SMC6: variants seen among roughly 807,000 people sequenced by gnomAD.
SMC6 encodes the protein structural maintenance of chromosomes protein 6.
SMC6 carries 79 observed loss-of-function variants against 142.2 expected under a neutral mutation model. The observed-to-expected ratio is 0.56, with a 90% CI of 0.46 to 0.67. The LOEUF (loss-of-function observed/expected upper bound fraction) is 0.67. Ranked by LOEUF, SMC6 falls within the 30% of genes least tolerant of loss-of-function variation. The probability of loss-of-function intolerance (pLI) is 0.00; values close to 1 mark genes in which losing one functional copy is unlikely to be tolerated. For synonymous variants in SMC6, 411 were observed against 412.4 expected, an observed-to-expected ratio of 1.00 and a Z score of 0.04; for missense variants, 1,072 against 1,284.0, an observed-to-expected ratio of 0.83 and a Z score of 2.52.
At chr2:17,695,103 T>G (rs1667928437) in intron 23 of SMC6, 49 bp downstream of exon 23, 1 of 1,594,824 alleles carries the variant, frequency 6.3e-7, no homozygotes, top group Non-Finnish European at 8.5e-7. Context: ...TTTGTCTTGA[T>G]GATATGCATG....
chr2:17,740,751 G>A (rs77457811), intron 4 of SMC6: 1 of 440,330 alleles, frequency 2.3e-6, no homozygotes, highest in East Asian at 8.1e-5. Context: ...TCACAAGGCT[G>A]AAACAGGAGA....
intron 2 of SMC6, among the ~76,000 whole-genome samples, chr2:17,746,900 T>C (rs1033971434): frequency 6.6e-6 from 1 of 152,132 alleles, no homozygotes; most frequent in African/African-American, 2.4e-5. Flanking sequence ...GAGGAACAGT[T>C]CTAGGCTCAA....
intron 2 of SMC6, 106 bp from the exon 3 acceptor site, chr2:17,746,057 T>C: frequency 1.8e-6 from 2 of 1,118,374 alleles, no homozygotes; most frequent in East Asian, 3.0e-5. Flanking sequence ...ACTATGTCCA[T>C]CCATTTTTAC....
chr2:17,674,816 A>T (rs965250660), intron 25 of SMC6, among the ~76,000 whole-genome samples: 1 of 152,020 alleles, frequency 6.6e-6, no homozygotes, highest in Admixed American at 6.6e-5. Flanking sequence ...CTATTTTGTT[A>T]TTATTACAGC....
chr2:17,700,461 G>C, intron 20 of SMC6, 83 bp from the exon 21 acceptor site: 3 of 1,129,180 alleles, frequency 2.7e-6, no homozygotes, highest in South Asian at 1.8e-5. Context: ...AATTCTGAGA[G>C]AGGAGAAACT....
intron 26 of SMC6, among the ~76,000 whole-genome samples, chr2:17,668,460 C>T (rs1377152396): frequency 6.6e-6 from 1 of 151,918 alleles, no homozygotes; most frequent in Non-Finnish European, 1.5e-5. Context: ...TAGCTGATAA[C>T]CTCAAAATGG....
chr2:17,751,530 A>C (rs1195256268), intron 2 of SMC6, among the ~76,000 whole-genome samples: 1 of 152,062 alleles, frequency 6.6e-6, no homozygotes, highest in East Asian at 1.9e-4. Context: ...AAGTGCTCCT[A>C]AGGTATTTTG....
rs1259197644 is a variant in SMC6 at position 17,707,270 on chromosome 2, G to A, written c.1955C>T (p.Ser652Phe). Reference protein sequence around the residue: ...DQVFAGRYYSSENTRPKFLSR... With the variant: ...DQVFAGRYYSFENTRPKFLSR... ...TAGGAACTTAGGTCTTGTATTTTCA[G>A]ATGAATAATAACGTCCTGCAAAAAC... The change falls in exon 18 of 28, where the codon TCT becomes TTT. Residue 652 changes from serine (S) to phenylalanine (F), a missense_variant. This residue lies in a region of SMC6 where 994 missense variants were observed against 1,153.2 expected (regional missense o/e 0.86). Transcript: ENST00000448223. 5.6e-6 allele frequency: 9 copies of A among 1,600,444 alleles called. No homozygotes were observed. The highest frequency in any genetic ancestry group is 7.7e-6 in the Non-Finnish European group (9 of 1,174,496).
Position 17,691,027 on chromosome 2 carries a change from A to G in SMC6, c.2678+4125T>C, listed in dbSNP as rs1265174464. Among the ~76,000 whole-genome samples the G allele has an allele frequency of 2.6e-5, 4 of 151,942 alleles. No individual in the cohort carries two copies. In the East Asian group the frequency reaches 7.8e-4, roughly 30 times the overall value. ...ATTGTGTTCCACCATTTGCAACAAC[A>G]AAAGATTAGATTAAAACGCAGCTAT... On this transcript the variant is annotated intron_variant, in intron 23 of 27. Coordinates refer to ENST00000448223, the MANE Select transcript of SMC6 (RefSeq NM_001142286.2).
At chr2:17,730,603 CT>C (rs397870131) in intron 7 of SMC6, among the ~76,000 whole-genome samples, 43,324 of 134,468 alleles carry the variant, frequency 0.32, 6,439 homozygotes, top group African/African-American at 0.41. Flanking sequence ...TTAATAAATT[CT>C]TTTTTTTTTT....
At chr2:17,745,437 G>C (rs1052832386) in intron 3 of SMC6, among the ~76,000 whole-genome samples, 1 of 152,090 alleles carries the variant, frequency 6.6e-6, no homozygotes, top group Non-Finnish European at 1.5e-5. Context: ...TTTCCTTTTT[G>C]AGGATTGGTC....
chr2:17,714,648 T>A (rs1376002361), intron 16 of SMC6, among the ~76,000 whole-genome samples: 1 of 152,200 alleles, frequency 6.6e-6, no homozygotes, highest in Non-Finnish European at 1.5e-5. Flanking sequence ...TTCCCTGTAA[T>A]GTCTCCCACA....
intron 25 of SMC6, among the ~76,000 whole-genome samples, chr2:17,677,616 A>G (rs1667055194): frequency 1.3e-5 from 2 of 152,218 alleles, no homozygotes; most frequent in Admixed American, 1.3e-4. Context: ...GTCTTTAAAA[A>G]TAAAAGTTTT....
chr2:17,742,082 C>T (rs1472292486), intron 3 of SMC6, among the ~76,000 whole-genome samples: 1 of 152,158 alleles, frequency 6.6e-6, no homozygotes, highest in Non-Finnish European at 1.5e-5. Context: ...CACACACCTG[C>T]CCCTAAGTTG....
chr2:17,745,197 T>C (rs1040068498), intron 3 of SMC6, among the ~76,000 whole-genome samples: 1 of 152,222 alleles, frequency 6.6e-6, no homozygotes, highest in South Asian at 2.1e-4. Flanking sequence ...TCCCTCATTG[T>C]CTGGTTTTGG....
intron 23 of SMC6, among the ~76,000 whole-genome samples, chr2:17,686,257 G>A (rs568736838): frequency 6.6e-6 from 1 of 152,256 alleles, no homozygotes; most frequent in Admixed American, 6.5e-5. Flanking sequence ...AAAGGCAGGA[G>A]GATCACTTGA....
Position 17,716,772 on chromosome 2 carries a change from C to A in SMC6, c.1315G>T (p.Glu439Ter). 1 of 1,611,960 alleles carries A rather than the reference C, an allele frequency of 6.2e-7. No individual in the cohort carries two copies. The highest frequency in any genetic ancestry group is 8.5e-7 in the Non-Finnish European group (1 of 1,179,422). The change falls in exon 14 of 28, where the codon GAA (glutamate) becomes TAA (stop). Residue 439 changes from glutamate (E) to a stop codon, truncating the protein, a stop_gained. Coordinates refer to ENST00000448223, the MANE Select transcript of SMC6 (RefSeq NM_001142286.2). LOFTEE classifies it high-confidence loss of function. ...TTGCCATGTTCTTCTTTGTCCTTTTCTATGGCTTGCTGAAACTGTTCGATC... is the reference window on the plus strand; with the variant it reads ...TTGCCATGTTCTTCTTTGTCCTTTTATATGGCTTGCTGAAACTGTTCGATC... ...QEIEQFQQAI[E>*]KDKEEHGKIK...
At chr2:17,709,519 A>C (rs1668716418) in intron 16 of SMC6, among the ~76,000 whole-genome samples, 1 of 152,188 alleles carries the variant, frequency 6.6e-6, no homozygotes, top group Non-Finnish European at 1.5e-5. Flanking sequence ...TAGCATTCTT[A>C]GTGCTTTCCT....
At chr2:17,697,177 G>A (rs1182873301) in intron 21 of SMC6, among the ~76,000 whole-genome samples, 6 of 151,934 alleles carry the variant, frequency 3.9e-5, no homozygotes, top group South Asian at 2.1e-4. Flanking sequence ...GTCTCATGGC[G>A]TCTATTCAAC....
Sources: allele counts gnomAD v4.1 joint callset (sites outside exome capture counted in the v4.1 genomes callset), GRCh38; gene constraint gnomAD v4.1.1; regional missense constraint gnomAD v4.1.1; transcripts MANE v1.5; gene names NCBI Gene and HGNC (gene_info 2026-07-23, HGNC 2026-07-21).